Variants in ESCO2 observed in about 807,000 individuals in gnomAD.
ESCO2 encodes the protein N-acetyltransferase ESCO2.
Under a neutral mutation model 61.7 loss-of-function variants are expected in ESCO2, and 51 were observed. The ratio of observed to expected loss-of-function variants is 0.83; its 90% CI spans 0.66 to 1.04. The LOEUF (loss-of-function observed/expected upper bound fraction) is 1.04, where lower values mean the gene tolerates loss of function less well. Among genes scored for constraint, ESCO2 ranks in the 50% least tolerant of loss-of-function variants. The pLI, the probability that ESCO2 is intolerant of heterozygous loss-of-function variation, is 0.00. For synonymous variants in ESCO2, 230 were observed against 238.2 expected (o/e 0.97, Z 0.32); for missense variants, 692 against 686.2 (o/e 1.01, Z -0.09).
At chr8:27,818,463 T>A in the ESCO2 span, among the ~76,000 whole-genome samples, 2 of 152,218 alleles carry the variant, frequency 1.3e-5, no homozygotes, top group African/African-American at 4.8e-5. Context: ...TGGAGAAACG[T>A]TTAACAGATA....
At chr8:27,791,713 A>T (rs1461815736) in intron 7 of ESCO2, among the ~76,000 whole-genome samples, 2 of 152,036 alleles carry the variant, frequency 1.3e-5, no homozygotes, top group South Asian at 2.1e-4. Context: ...GAGCCACCGC[A>T]CCTTTACCTC....
intron 9 of ESCO2, among the ~76,000 whole-genome samples, chr8:27,797,138 T>G (rs183580149): frequency 1.3e-5 from 2 of 152,292 alleles, no homozygotes; most frequent in East Asian, 1.9e-4. Context: ...GTTCATTTCC[T>G]TATTGATTTT....
intron 10 of ESCO2, among the ~76,000 whole-genome samples, chr8:27,801,972 T>TC (rs1805438048): frequency 8.4e-6 from 1 of 118,598 alleles, no homozygotes; most frequent in African/African-American, 3.0e-5. Flanking sequence ...TCATGGCATT[T>TC]TTTTTTTTTT....
chr8:27,796,063 G>A (rs866000730), intron 9 of ESCO2, among the ~76,000 whole-genome samples: 4 of 151,208 alleles, frequency 2.6e-5, no homozygotes, highest in African/African-American at 9.7e-5. Flanking sequence ...TGTCATTACA[G>A]ATGGGCTTTC....
At position 27,804,701 on chromosome 8, in the gene ESCO2, T is replaced by A. The variant is rs938255941; in HGVS notation, c.*1263T>A. On this transcript the variant is annotated 3_prime_UTR_variant, in exon 11 of 11. Coordinates refer to ENST00000305188, the MANE Select transcript of ESCO2 (RefSeq NM_001017420.3). The stretch of plus-strand genomic sequence containing the variant: ...TTCATCTGCATTCATTTTATTTGCC[T>A]GTAAGTTAACATGTTTCCAAAATTT... The A allele has an allele frequency of 4.1e-6, 4 of 985,272 alleles. No individual in the cohort carries two copies. The East Asian group carries it at 3.4e-4, about 84-fold the overall frequency. The allele number at this position is 985,272 out of a possible 1,614,324, so 61.0% of individuals were successfully genotyped here.
chr8:27,811,563 T>C (rs1391510807), downstream of ESCO2, among the ~76,000 whole-genome samples: 2 of 151,886 alleles, frequency 1.3e-5, no homozygotes, highest in African/African-American at 2.4e-5. Context: ...ATGATTGCTA[T>C]GTCAAGGAAA....
In ESCO2 at chr8:27,780,208, A is replaced by G. The variant is rs141959652; in HGVS notation, c.896A>G (p.His299Arg). ...SSDDRVSSKE[H>R]KVDKNEAFSS... ...GATGACAGAGTTTCTTCAAAGGAAC[A>G]TAAAGTTGATAAAAATGAGGCTTTT... The change falls in exon 4 of 11, where the codon CAT becomes CGT. Residue 299 changes from histidine to arginine, a missense_variant. Physicochemically the swap from His to Arg is conservative, Grantham distance 29 (BLOSUM62 0). Coordinates refer to ENST00000305188, the MANE Select transcript of ESCO2 (RefSeq NM_001017420.3). 2.7e-5 allele frequency: 43 copies of G among 1,612,364 alleles called. No homozygotes were observed. In the African/African-American group the frequency reaches 5.6e-4, roughly 21 times the overall value.
At chr8:27,811,234 A>C, downstream of ESCO2, 2 of 962,796 alleles carry the variant, frequency 2.1e-6, no homozygotes, top group Non-Finnish European at 3.3e-6. Context: ...AGTAGTTCAC[A>C]GGTTAATCAG....
Position 27,776,700 on chromosome 8 carries a change from T to G in ESCO2, c.392T>G (p.Val131Gly). ...ACAGAAAAAATGCAAGGAAAACCAG[T>G]CTGCTCCAAGAAGAACAACAAAAAA... is the stretch of plus-strand genomic sequence containing the variant. ...IVTEKMQGKP[V>G]CSKKNNKKPQ... The change falls in exon 3 of 11, where the codon GTC (valine) becomes GGC (glycine). Residue 131 changes from valine to glycine, a missense_variant. Transcript: ENST00000305188. 6.2e-7 allele frequency: 1 copy of G among 1,613,728 alleles called. No homozygotes were observed. Among genetic ancestry groups the G allele is most frequent in the Non-Finnish European group, 8.5e-7 (1 of 1,179,988 alleles).
At position 27,804,797 on chromosome 8, in the gene ESCO2, T is replaced by C. The variant is rs1805525671; in HGVS notation, c.*1359T>C. On this transcript the variant is annotated 3_prime_UTR_variant, in exon 11 of 11. Coordinates refer to ENST00000305188, the MANE Select transcript of ESCO2 (RefSeq NM_001017420.3). ...TAATTATGCAAACATTTTAATGCTATTTTCTGCACTTATTTCTTTTAAATA... is the reference window on the plus strand; with the variant it reads ...TAATTATGCAAACATTTTAATGCTACTTTCTGCACTTATTTCTTTTAAATA... 1.0e-6 allele frequency: 1 copy of C among 967,198 alleles called. No individual in the cohort carries two copies. The highest frequency in any genetic ancestry group is 4.8e-5 in the South Asian group (1 of 20,934). 59.9% of individuals were successfully genotyped at this position (967,198 alleles called of 1,614,324 possible). A position where few individuals can be genotyped will look rare whatever the true frequency, so the allele number is the denominator to read the frequency against.
Position 27,780,206 on chromosome 8 carries a change from A to AT in ESCO2, c.894_895insT (p.His299SerfsTer2). On this transcript the variant is annotated frameshift_variant, in exon 4 of 11. Transcript: ENST00000305188. LOFTEE classifies it high-confidence loss of function. Reference sequence around the variant, plus strand: ...CAGATGACAGAGTTTCTTCAAAGGAACATAAAGTTGATAAAAATGAGGCTT... The same window carrying AT: ...CAGATGACAGAGTTTCTTCAAAGGAATCATAAAGTTGATAAAAATGAGGCTT... 4 of 1,612,194 alleles carry AT rather than the reference A, an allele frequency of 2.5e-6. No homozygotes were observed. The highest frequency in any genetic ancestry group is 3.4e-6 in the Non-Finnish European group (4 of 1,178,706).
intron 10 of ESCO2, among the ~76,000 whole-genome samples, chr8:27,802,629 A>T (rs1259605717): frequency 8.4e-4 from 50 of 59,796 alleles, no homozygotes; most frequent in Non-Finnish European, 1.2e-3. Context: ...AAAAAAAAAA[A>T]AATATATATA....
intron 9 of ESCO2, among the ~76,000 whole-genome samples, chr8:27,793,373 A>G (rs1302384513): frequency 6.6e-6 from 1 of 152,140 alleles, no homozygotes; most frequent in Non-Finnish European, 1.5e-5. Context: ...ATAGGTATAC[A>G]TTGTAAAATG....
At position 27,774,606 on chromosome 8, in the gene ESCO2, A is replaced by C. The variant is rs1020168984; in HGVS notation, c.-18A>C. On this transcript the variant is annotated splice_region_variant and 5_prime_UTR_variant, in exon 1 of 11. Coordinates refer to ENST00000305188, the MANE Select transcript of ESCO2 (RefSeq NM_001017420.3). Reference sequence around the variant, plus strand: ...GAGAGCTCGCCGGGCTCTGAGGCGCAGGTAACCTCTGGAGTAGGCCGAGGC... The same window carrying C: ...GAGAGCTCGCCGGGCTCTGAGGCGCCGGTAACCTCTGGAGTAGGCCGAGGC... 6.6e-6 allele frequency: 1 copy of C among 152,114 alleles called. No homozygotes were observed. The highest frequency in any genetic ancestry group is 1.5e-5 in the Non-Finnish European group (1 of 68,060). The allele number at this position is 152,114 out of a possible 1,614,324, so 9.4% of individuals were successfully genotyped here. A position where few individuals can be genotyped will look rare whatever the true frequency, so the allele number is the denominator to read the frequency against.
intron 9 of ESCO2, among the ~76,000 whole-genome samples, chr8:27,794,589 A>T (rs1002849622): frequency 2.0e-5 from 3 of 152,002 alleles, no homozygotes; most frequent in Non-Finnish European, 4.4e-5. Context: ...TTTCAGTTTG[A>T]TGTTACATTT....
At chr8:27,785,022 A>C (rs1264814514) in intron 5 of ESCO2, among the ~76,000 whole-genome samples, 1 of 152,200 alleles carries the variant, frequency 6.6e-6, no homozygotes, top group African/African-American at 2.4e-5. Context: ...TTGTGTTGCT[A>C]TCACAAAATA....
rs570510724 is a variant in ESCO2, at chr8:27,801,682, C to T, written c.1674-1624C>T. Among the ~76,000 whole-genome samples, 12 of 152,024 alleles carry T rather than the reference C, an allele frequency of 7.9e-5. No individual in the cohort carries two copies. In the South Asian group the frequency reaches 1.0e-3, roughly 13 times the overall value. ...TTATTCCGAAATAATTTCAAACTTA[C>T]GAAAGAACAAGAGTAGTAGGAAGCC... On this transcript the variant is annotated intron_variant, in intron 10 of 10. Transcript: ENST00000305188.
chr8:27,812,216 T>C (rs1465355156), downstream of ESCO2: 1 of 152,200 alleles, frequency 6.6e-6, no homozygotes, highest in Non-Finnish European at 1.5e-5. Context: ...ATCCCTTCTA[T>C]TTCTAGTTAG....
At chr8:27,788,497 T>G (rs924658508) in intron 6 of ESCO2, among the ~76,000 whole-genome samples, 2 of 150,924 alleles carry the variant, frequency 1.3e-5, no homozygotes, top group African/African-American at 4.9e-5. Context: ...TTTCATCAAT[T>G]TATTGCATTT....
Sources: gnomAD v4.1 joint callset for allele counts (sites outside exome capture counted in the v4.1 genomes callset) on GRCh38, gnomAD v4.1.1 for gene constraint, MANE v1.5 for transcripts, NCBI Gene and HGNC (gene_info 2026-07-23, HGNC 2026-07-21) for gene names.